The following DAPK2 variants were observed in gnomAD, a reference collection of about 807,000 sequenced individuals.
The protein encoded by DAPK2 is death associated protein kinase 2, also known as death-associated protein kinase 2.
A neutral mutation model predicts 44.1 loss-of-function variants in DAPK2; 35 were observed. The ratio of observed to expected loss-of-function variants is 0.79; its 90% CI spans 0.61 to 1.05. The LOEUF (loss-of-function observed/expected upper bound fraction) is 1.05. Ranked by LOEUF, DAPK2 falls within the 50% of genes least tolerant of loss-of-function variation. The pLI is 0.00. For missense variants in DAPK2, 453 were observed against 483.2 expected (o/e 0.94, Z 0.59); for synonymous variants, 174 against 182.6 (o/e 0.95, Z 0.38).
intron 1 of DAPK2, among the ~76,000 whole-genome samples, chr15:64,005,751 G>C (rs921941231): frequency 6.6e-6 from 1 of 152,144 alleles, no homozygotes; most frequent in African/African-American, 2.4e-5. Context: ...CAACATGGCT[G>C]GGCATGGTGG....
chr15:63,909,080 G>C (rs969499171), intron 10 of DAPK2: 1 of 152,292 alleles, frequency 6.6e-6, no homozygotes, highest in Non-Finnish European at 1.5e-5. Flanking sequence ...TGTTTCCAGG[G>C]AAATGACTTC....
At chr15:63,922,769 C>A (rs1306256813) in intron 8 of DAPK2, 2 of 1,532,970 alleles carry the variant, frequency 1.3e-6, no homozygotes, top group East Asian at 4.9e-5. Context: ...TTCCTCAGTG[C>A]ATGATCTGCT....
intron 2 of DAPK2, among the ~76,000 whole-genome samples, chr15:63,979,523 C>T (rs981175608): frequency 6.6e-6 from 1 of 152,228 alleles, no homozygotes; most frequent in Non-Finnish European, 1.5e-5. Context: ...GATACTAACA[C>T]TTACTGGGCA....
At chr15:63,930,545 A>G (rs947998892) in intron 4 of DAPK2, 90 bp from the exon 6 acceptor site, 16 of 1,189,048 alleles carry the variant, frequency 1.3e-5, no homozygotes, top group Non-Finnish European at 2.0e-5. Flanking sequence ...GGTGCCAAAT[A>G]TCTCCATCCT....
chr15:63,952,613 C>CA (rs1434826921), intron 3 of DAPK2, among the ~76,000 whole-genome samples: 22 of 150,516 alleles, frequency 1.5e-4, no homozygotes, highest in Non-Finnish European at 3.1e-4. Context: ...GGACTCATCA[C>CA]AGATTTTTGG....
At chr15:64,000,198 C>T (rs979615984) in intron 1 of DAPK2, among the ~76,000 whole-genome samples, 2 of 151,892 alleles carry the variant, frequency 1.3e-5, no homozygotes, top group African/African-American at 2.4e-5. Context: ...CACACACACA[C>T]ACACACACAC....
rs1170594409 is a variant in DAPK2 at position 63,912,540 on chromosome 15, C to T, written c.859-343G>A. Among the ~76,000 whole-genome samples, 1 of 152,224 alleles carries T rather than the reference C, an allele frequency of 6.6e-6. No homozygotes were observed. Among genetic ancestry groups the T allele is most frequent in the East Asian group, 1.9e-4 (1 of 5,204 alleles). Reference sequence around the variant, plus strand: ...ATTTTACAGCAGTCTGGGATGCCCTCTGGGCACTGGGGTGATTCTGGGCTT... The same window carrying T: ...ATTTTACAGCAGTCTGGGATGCCCTTTGGGCACTGGGGTGATTCTGGGCTT... On this transcript the variant is annotated intron_variant, in intron 8 of 10. Coordinates refer to ENST00000261891, the Ensembl canonical transcript of DAPK2. The surrounding 1 kb of genome is among the most constrained non-coding windows in gnomAD (Gnocchi z 4.4).
At chr15:63,989,818 A>C (rs935340080) in intron 1 of DAPK2, among the ~76,000 whole-genome samples, 2 of 151,968 alleles carry the variant, frequency 1.3e-5, no homozygotes, top group African/African-American at 4.8e-5. Flanking sequence ...CAGTCTCCCA[A>C]GTAGCTGGGA....
intron 1 of DAPK2, among the ~76,000 whole-genome samples, chr15:64,002,957 T>TCGTGGGGC: frequency 9.0e-6 from 1 of 111,204 alleles, no homozygotes; most frequent in Non-Finnish European, 1.9e-5. Context: ...TGTGTGTGTG[T>TCGTGGGGC]GTGTGTGTCG....
At chr15:63,942,487 G>A (rs939366537) in intron 3 of DAPK2, among the ~76,000 whole-genome samples, 3 of 151,986 alleles carry the variant, frequency 2.0e-5, no homozygotes, top group Admixed American at 6.6e-5. Flanking sequence ...GGGAGGTGGA[G>A]GCTGCAGTGA....
chr15:63,958,978 A>G (rs1265673161), intron 3 of DAPK2, among the ~76,000 whole-genome samples: 1 of 152,114 alleles, frequency 6.6e-6, no homozygotes, highest in Non-Finnish European at 1.5e-5. Flanking sequence ...GATTCTTCCT[A>G]CCCATGAGCA....
At chr15:63,952,644 G>GTT (rs5813269) in intron 3 of DAPK2, among the ~76,000 whole-genome samples, 2,690 of 149,682 alleles carry the variant, frequency 0.018, 68 homozygotes, top group African/African-American at 0.059. Flanking sequence ...TCCATGATCT[G>GTT]TTTTTTTTTA....
At chr15:63,967,877 C>T (rs2078100721) in intron 3 of DAPK2, among the ~76,000 whole-genome samples, 2 of 152,118 alleles carry the variant, frequency 1.3e-5, no homozygotes, top group East Asian at 1.9e-4. Flanking sequence ...TCTTCTATTA[C>T]CTGCCCCTTC....
intron 1 of DAPK2, among the ~76,000 whole-genome samples, chr15:64,021,197 T>G (rs1466424081): frequency 1.3e-5 from 2 of 152,186 alleles, no homozygotes; most frequent in African/African-American, 4.8e-5. Context: ...TGGGGTTCAG[T>G]CTCAGTCACT....
chr15:63,939,721 C>T lies in DAPK2; in HGVS notation c.454-360G>A, dbSNP rs2077258309. Among the ~76,000 whole-genome samples, 2 of 152,168 alleles carry T rather than the reference C, an allele frequency of 1.3e-5. No individual in the cohort carries two copies. Among genetic ancestry groups the T allele is most frequent in the African/African-American group, 4.8e-5 (2 of 41,426 alleles). Reference sequence around the variant, plus strand: ...GGCCAATGAGATACTTGCAGCATTTCCTGTAAACAAACCCAGCACTGCTGT... The same window carrying T: ...GGCCAATGAGATACTTGCAGCATTTTCTGTAAACAAACCCAGCACTGCTGT... On this transcript the variant is annotated intron_variant, in intron 3 of 10. Coordinates refer to ENST00000261891, the Ensembl canonical transcript of DAPK2. This position sits in a 1 kb window ranked among gnomAD's most constrained non-coding sequence, Gnocchi z 4.3.
At chr15:63,935,832 G>A (rs565599569) in intron 4 of DAPK2, 84 of 151,862 alleles carry the variant, frequency 5.5e-4, no homozygotes, top group African/African-American at 2.0e-3. Context: ...GTCACTCTAT[G>A]GTGCTCTAGC....
At chr15:63,950,289 C>T (rs2077552836) in intron 3 of DAPK2, among the ~76,000 whole-genome samples, 1 of 152,154 alleles carries the variant, frequency 6.6e-6, no homozygotes, top group African/African-American at 2.4e-5. Flanking sequence ...GATCACAGCT[C>T]ATTGCAGCCT....
At chr15:64,040,286 T>C (rs769604689), upstream of DAPK2, 3 of 1,604,394 alleles carry the variant, frequency 1.9e-6, no homozygotes, top group Non-Finnish European at 2.6e-6. Flanking sequence ...GGAAGAAACC[T>C]GTGGTTAGGA....
chr15:64,011,660 C>T (rs2079393797), intron 1 of DAPK2, among the ~76,000 whole-genome samples: 1 of 152,192 alleles, frequency 6.6e-6, no homozygotes, highest in Non-Finnish European at 1.5e-5. Flanking sequence ...GGCTACTGAA[C>T]ACTCGAAATG....
Sources: gnomAD v4.1 joint callset for allele counts (sites outside exome capture counted in the v4.1 genomes callset) on GRCh38, gnomAD v4.1.1 for gene constraint, Gnocchi (gnomAD v3.1) non-coding constraint, MANE v1.5 for transcripts, NCBI Gene and HGNC (gene_info 2026-07-23, HGNC 2026-07-21) for gene names.